The following KSR1 variants were observed in gnomAD, a reference collection of about 807,000 sequenced individuals.
KSR1 encodes the protein kinase suppressor of ras.
Under a neutral mutation model 92.9 loss-of-function variants are expected in KSR1, and 35 were observed. That is an observed-to-expected ratio of 0.38 (90% CI 0.29 to 0.50). The LOEUF is 0.50. KSR1 is among the 20% of genes least tolerant of loss of function. KSR1 has a pLI of 0.94. For synonymous variants in KSR1, 467 were observed against 472.6 expected, an observed-to-expected ratio of 0.99 and a Z score of 0.15; for missense variants, 972 against 1,158.5, an observed-to-expected ratio of 0.84 and a Z score of 2.34.
chr17:27,507,794 C>T (rs926401710), intron 1 of KSR1, among the ~76,000 whole-genome samples: 6 of 151,916 alleles, frequency 3.9e-5, no homozygotes, highest in Admixed American at 6.6e-5. Flanking sequence ...AGGCTGATCT[C>T]GAACTCCCAA....
chr17:27,575,703 C>T (rs2072478890), intron 2 of KSR1, among the ~76,000 whole-genome samples: 1 of 152,178 alleles, frequency 6.6e-6, no homozygotes, highest in Non-Finnish European at 1.5e-5. Flanking sequence ...TCAAAGTAGT[C>T]AGAGCTGGAG....
At chr17:27,595,006 G>A (rs530528663) in intron 9 of KSR1, among the ~76,000 whole-genome samples, 55 of 152,290 alleles carry the variant, frequency 3.6e-4, no homozygotes, top group Non-Finnish European at 6.9e-4. Context: ...AGAAGAGGGA[G>A]GGCTCAGTGG....
intron 1 of KSR1, among the ~76,000 whole-genome samples, chr17:27,521,604 G>T (rs922275479): frequency 5.9e-5 from 9 of 152,114 alleles, no homozygotes; most frequent in African/African-American, 2.2e-4. Flanking sequence ...GCTAGTTTTT[G>T]AATTTTTTTG....
intron 18 of KSR1, among the ~76,000 whole-genome samples, chr17:27,612,364 C>T (rs966811221): frequency 2.6e-5 from 4 of 152,188 alleles, no homozygotes; most frequent in African/African-American, 9.7e-5. Context: ...AGAGTGATGT[C>T]AGTCCAAGGT....
intron 1 of KSR1, among the ~76,000 whole-genome samples, chr17:27,526,094 T>TTCTTTCTTTCTTTCTTTCTTTCTC (rs55706224): frequency 2.4e-4 from 28 of 118,448 alleles, no homozygotes; most frequent in South Asian, 8.1e-4. Context: ...CTTTCTTTCT[T>TTCTTTCTTTCTTTCTTTCTTTCTC]TCTCTCTCTC....
chr17:27,611,060 A>G (rs1473939855), intron 17 of KSR1, among the ~76,000 whole-genome samples: 2 of 152,198 alleles, frequency 1.3e-5, no homozygotes, highest in Non-Finnish European at 2.9e-5. Flanking sequence ...CCTTGGCGCC[A>G]TCCTTCCTCC....
At chr17:27,618,987 C>T (rs777458109) in intron 19 of KSR1, among the ~76,000 whole-genome samples, 3 of 152,128 alleles carry the variant, frequency 2.0e-5, no homozygotes, top group Non-Finnish European at 4.4e-5. Context: ...TGAGCCACTG[C>T]GCCCGGCCAG....
At chr17:27,501,289 CTTCT>C (rs2069172823) in intron 1 of KSR1, among the ~76,000 whole-genome samples, 2 of 43,596 alleles carry the variant, frequency 4.6e-5, no homozygotes, top group South Asian at 6.9e-4. Flanking sequence ...AATTTCTTTT[CTTCT>C]TTTTTTTTTT....
At chr17:27,526,542 T>C in intron 1 of KSR1, 2 of 1,603,642 alleles carry the variant, frequency 1.2e-6, no homozygotes, top group Non-Finnish European at 1.7e-6. Flanking sequence ...CTCTGTCTGC[T>C]GGATTTTGGC....
At chr17:27,505,180 G>A (rs765857994) in intron 1 of KSR1, among the ~76,000 whole-genome samples, 1 of 152,170 alleles carries the variant, frequency 6.6e-6, no homozygotes, top group African/African-American at 2.4e-5. Context: ...AGGATAGTCC[G>A]TTTGAATCCT....
chr17:27,492,976 G>A (rs1258972880), intron 1 of KSR1, among the ~76,000 whole-genome samples: 3 of 152,162 alleles, frequency 2.0e-5, no homozygotes, highest in Non-Finnish European at 2.9e-5. Flanking sequence ...TATTCCATGC[G>A]GGGAGGGAAA....
At chr17:27,521,049 G>A (rs556699835) in intron 1 of KSR1, among the ~76,000 whole-genome samples, 1 of 152,338 alleles carries the variant, frequency 6.6e-6, no homozygotes, top group East Asian at 1.9e-4. Flanking sequence ...CCAGCAGGAA[G>A]TTTGTTCAGC....
At chr17:27,485,627 A>G (rs1211851524) in intron 1 of KSR1, among the ~76,000 whole-genome samples, 1 of 152,010 alleles carries the variant, frequency 6.6e-6, no homozygotes, top group East Asian at 1.9e-4. Context: ...TAGTTAACTT[A>G]TTTTCCTCTT....
chr17:27,530,624 G>A (rs1489752696), intron 1 of KSR1, among the ~76,000 whole-genome samples: 1 of 152,110 alleles, frequency 6.6e-6, no homozygotes, highest in African/African-American at 2.4e-5. Flanking sequence ...TTTTCCTCTT[G>A]TGACATTTTA....
intron 3 of KSR1, among the ~76,000 whole-genome samples, chr17:27,581,674 C>T (rs1160755904): frequency 6.6e-6 from 1 of 152,168 alleles, no homozygotes; most frequent in Non-Finnish European, 1.5e-5. Context: ...TTCTGCAGAG[C>T]CCCCTGTCCT....
At chr17:27,596,361 CCT>C (rs1350644978) in intron 9 of KSR1, among the ~76,000 whole-genome samples, 28 of 152,332 alleles carry the variant, frequency 1.8e-4, no homozygotes, top group Non-Finnish European at 3.7e-4. Flanking sequence ...GGCGCAGCAT[CCT>C]CTGTGTTGTG....
intron 2 of KSR1, among the ~76,000 whole-genome samples, chr17:27,551,609 A>G (rs965093587): frequency 6.6e-6 from 1 of 151,324 alleles, no homozygotes; most frequent in African/African-American, 2.4e-5. Flanking sequence ...AAAAATTTCT[A>G]TCTGGACTGT....
At chr17:27,474,863 G>A (rs1407701178) in intron 1 of KSR1, among the ~76,000 whole-genome samples, 1 of 152,086 alleles carries the variant, frequency 6.6e-6, no homozygotes, top group Non-Finnish European at 1.5e-5. Context: ...GATCACCTGA[G>A]CCAGAGTTCA....
chr17:27,481,196 G>A (rs1417821905), intron 1 of KSR1, among the ~76,000 whole-genome samples: 4 of 151,778 alleles, frequency 2.6e-5, no homozygotes, highest in Non-Finnish European at 5.9e-5. Context: ...TTTTATTTTT[G>A]GGAATTTTTG....
Sources: gnomAD v4.1 joint callset for allele counts (sites outside exome capture counted in the v4.1 genomes callset) on GRCh38, gnomAD v4.1.1 for gene constraint, MANE v1.5 for transcripts, NCBI Gene and HGNC (gene_info 2026-07-23, HGNC 2026-07-21) for gene names.